PIK3CB: variants seen among roughly 807,000 people sequenced by gnomAD.
The protein encoded by PIK3CB is phosphatidylinositol-4,5-bisphosphate 3-kinase catalytic subunit beta, also known as phosphatidylinositol 4,5-bisphosphate 3-kinase catalytic subunit beta isoform.
PIK3CB carries 39 observed loss-of-function variants against 136.8 expected under a neutral mutation model. The ratio of observed to expected loss-of-function variants is 0.29; its 90% CI spans 0.22 to 0.37. The LOEUF (loss-of-function observed/expected upper bound fraction) is 0.37, where lower values mean the gene tolerates loss of function less well. PIK3CB is among the 10% of genes least tolerant of loss of function. The pLI is 1.00. For synonymous variants in PIK3CB, 428 were observed against 436.6 expected, an observed-to-expected ratio of 0.98 and a Z score of 0.25; for missense variants, 868 against 1,275.4, an observed-to-expected ratio of 0.68 and a Z score of 4.87.
At chr3:138,693,196 T>C (rs1489753744) in intron 14 of PIK3CB, among the ~76,000 whole-genome samples, 1 of 151,858 alleles carries the variant, frequency 6.6e-6, no homozygotes. Flanking sequence ...AGGGCTCAAG[T>C]GATCCTCCTA....
Position 138,663,772 on chromosome 3 carries a change from T to G in PIK3CB, c.2796+134A>C, listed in dbSNP as rs567273050. ...AGACTATATATGAAACGAGAGGTAG[T>G]GAGAAATTGAAGTAAAGACAAAGAT... On this transcript the variant is annotated intron_variant, in intron 21 of 23. Transcript: ENST00000674063. The G allele has an allele frequency of 8.9e-6, 7 of 790,320 alleles. No individual in the cohort carries two copies. The African/African-American group carries it at 1.2e-4, about 14-fold the overall frequency. 49.0% of individuals were successfully genotyped at this position (790,320 alleles called of 1,614,324 possible). A position where few individuals can be genotyped will look rare whatever the true frequency, so the allele number is the denominator to read the frequency against.
chr3:138,780,633 T>C (rs1165068674), intron 2 of PIK3CB, among the ~76,000 whole-genome samples: 1 of 45,362 alleles, frequency 2.2e-5, no homozygotes, highest in Admixed American at 2.5e-4. Context: ...GAAAGCAGTG[T>C]GGGCTAAATG....
At chr3:138,711,114 C>A (rs2044488291) in intron 10 of PIK3CB, among the ~76,000 whole-genome samples, 1 of 151,432 alleles carries the variant, frequency 6.6e-6, no homozygotes, top group Admixed American at 6.6e-5. Context: ...ACTATTTCTC[C>A]CTAATTAGAG....
chr3:138,711,943 C>T (rs920608485), intron 10 of PIK3CB, among the ~76,000 whole-genome samples: 4 of 150,066 alleles, frequency 2.7e-5, no homozygotes, highest in Admixed American at 6.7e-5. Context: ...GACCTTGTCT[C>T]GACAAAATAA....
chr3:138,825,707 A>T lies in PIK3CB; in HGVS notation c.-122+8988T>A, dbSNP rs1011201208. Reference sequence around the variant, plus strand: ...CATCTGTCTCTCCAGGATGTCTACAAAACTGGTGATATTGGTACTGTGCCT... The same window carrying T: ...CATCTGTCTCTCCAGGATGTCTACATAACTGGTGATATTGGTACTGTGCCT... On this transcript the variant is annotated intron_variant, in intron 1 of 23. Coordinates refer to ENST00000674063, the MANE Select transcript of PIK3CB (RefSeq NM_006219.3). 1.1e-5 allele frequency: 7 copies of T among 665,428 alleles called. No individual in the cohort carries two copies. The African/African-American group carries it at 1.3e-4, about 12-fold the overall frequency. 41.2% of individuals were successfully genotyped at this position (665,428 alleles called of 1,614,324 possible). A position where few individuals can be genotyped will look rare whatever the true frequency, so the allele number is the denominator to read the frequency against.
chr3:138,796,923 A>C (rs2046115002), intron 1 of PIK3CB: 1 of 152,238 alleles, frequency 6.6e-6, no homozygotes, highest in Non-Finnish European at 1.5e-5. Flanking sequence ...AAAGGCCAAA[A>C]ACACACTGCT....
intron 2 of PIK3CB, among the ~76,000 whole-genome samples, chr3:138,782,733 A>T (rs2045935256): frequency 6.6e-6 from 1 of 152,204 alleles, no homozygotes; most frequent in African/African-American, 2.4e-5. Context: ...TCCACTGGTC[A>T]TAGTGGAATA....
intron 10 of PIK3CB, among the ~76,000 whole-genome samples, chr3:138,711,708 G>A (rs557753536): frequency 2.8e-4 from 43 of 151,396 alleles, no homozygotes; most frequent in African/African-American, 9.5e-4. Context: ...AGCGAGACTA[G>A]ACAATCTCTA....
intron 8 of PIK3CB, among the ~76,000 whole-genome samples, chr3:138,716,779 C>G (rs2044616024): frequency 6.6e-6 from 1 of 150,454 alleles, no homozygotes; most frequent in Admixed American, 6.7e-5. Flanking sequence ...ACCTGTAATC[C>G]CAGCTACTCA....
chr3:138,725,120 T>C (rs180814899), intron 8 of PIK3CB, among the ~76,000 whole-genome samples: 6 of 152,256 alleles, frequency 3.9e-5, no homozygotes, highest in Admixed American at 3.9e-4. Context: ...CTATGCAATA[T>C]ATGCCCAGAC....
intron 8 of PIK3CB, among the ~76,000 whole-genome samples, chr3:138,727,723 A>C (rs891679617): frequency 6.6e-6 from 1 of 152,244 alleles, no homozygotes; most frequent in East Asian, 1.9e-4. Flanking sequence ...GACTACTATG[A>C]ACTTTATGCC....
At chr3:138,735,973 C>A (rs1228727923) in intron 6 of PIK3CB, among the ~76,000 whole-genome samples, 1 of 152,142 alleles carries the variant, frequency 6.6e-6, no homozygotes, top group Non-Finnish European at 1.5e-5. Context: ...CTCTCTCTCT[C>A]TTTTGTACAG....
At chr3:138,826,193 C>G (rs979917631) in intron 1 of PIK3CB, 1 of 1,246,132 alleles carries the variant, frequency 8.0e-7, no homozygotes, top group Non-Finnish European at 1.2e-6. Flanking sequence ...GCTTCTAGGA[C>G]TATCCTCCTC....
chr3:138,734,926 G>A (rs544739868), intron 6 of PIK3CB, 122 bp from the exon 7 acceptor site: 11 of 464,828 alleles, frequency 2.4e-5, no homozygotes, highest in Non-Finnish European at 3.5e-5. Context: ...AACCACAGCA[G>A]AATATCAAGA....
intron 19 of PIK3CB, among the ~76,000 whole-genome samples, chr3:138,669,251 A>AACG: frequency 9.3e-6 from 1 of 108,032 alleles, no homozygotes; most frequent in Non-Finnish European, 2.1e-5. Context: ...GTCTCTACAA[A>AACG]AAGTAAAAAA....
chr3:138,825,800 C>T (rs1933761195), intron 1 of PIK3CB: 3 of 940,322 alleles, frequency 3.2e-6, no homozygotes, highest in African/African-American at 3.2e-5. Flanking sequence ...GTCAATGTTA[C>T]AACTGAAGCA....
chr3:138,742,732 T>G lies in PIK3CB; in HGVS notation c.447A>C (p.Arg149=), dbSNP rs775008799. Residue 149 remains arginine, a synonymous_variant, in exon 5 of 24, where the codon CGA becomes CGC. Transcript: ENST00000674063. ...CCTCGCTGAATTTGCGCATTTTTCT[T>G]CGAAATTCATTTACTTCAGGATCCT... is the stretch of plus-strand genomic sequence containing the variant. ...SLKDPEVNEF[R]RKMRKFSEEK... 1.9e-6 allele frequency: 3 copies of G among 1,613,614 alleles called. No individual in the cohort carries two copies. The South Asian group carries it at 3.3e-5, about 18-fold the overall frequency.
chr3:138,726,346 G>A (rs755536904), intron 8 of PIK3CB, among the ~76,000 whole-genome samples: 7 of 152,144 alleles, frequency 4.6e-5, no homozygotes, highest in East Asian at 1.9e-4. Context: ...AGAAAGCTGC[G>A]GCTTTATTCA....
intron 1 of PIK3CB, among the ~76,000 whole-genome samples, chr3:138,831,281 A>AAAATTAAATTAAATT (rs1553745243): frequency 2.0e-4 from 29 of 148,388 alleles, no homozygotes; most frequent in African/African-American, 6.8e-4. Context: ...AAAATAAAAT[A>AAAATTAAATTAAATT]AAATTAAATT....
Sources: gnomAD v4.1 joint callset for allele counts (sites outside exome capture counted in the v4.1 genomes callset) on GRCh38, gnomAD v4.1.1 for gene constraint, MANE v1.5 for transcripts, NCBI Gene and HGNC (gene_info 2026-07-23, HGNC 2026-07-21) for gene names.